SGIP1: variants seen among roughly 807,000 people sequenced by gnomAD.
The protein encoded by SGIP1 is SH3-containing GRB2-like protein 3-interacting protein 1.
Under a neutral mutation model 107.5 loss-of-function variants are expected in SGIP1, and 38 were observed. The ratio of observed to expected loss-of-function variants is 0.35; its 90% CI spans 0.27 to 0.46. SGIP1 has a LOEUF of 0.46. Among genes scored for constraint, SGIP1 ranks in the 20% least tolerant of loss-of-function variants. SGIP1 has a pLI of 1.00. For synonymous variants in SGIP1, 365 were observed against 366.1 expected (o/e 1.00, Z 0.03); for missense variants, 929 against 1,019.5 (o/e 0.91, Z 1.21).
intron 19 of SGIP1, among the ~76,000 whole-genome samples, chr1:66,723,672 C>T (rs1251787719): frequency 6.6e-6 from 1 of 152,098 alleles, no homozygotes; most frequent in African/African-American, 2.4e-5. Flanking sequence ...TTTGTCACTG[C>T]CAAATCTAGC....
intron 17 of SGIP1, chr1:66,695,212 T>C (rs532263924): frequency 1.3e-4 from 115 of 886,374 alleles, no homozygotes; most frequent in Admixed American, 4.5e-4. Context: ...TTCCCATTCC[T>C]TTAGGCCTCC....
At chr1:66,636,132 C>A in intron 4 of SGIP1, 117 bp downstream of exon 4, 1 of 932,680 alleles carries the variant, frequency 1.1e-6, no homozygotes, top group Non-Finnish European at 1.6e-6. Context: ...TAAGAAAACT[C>A]TTAGGTATTT....
Position 66,643,649 on chromosome 1 carries a change from T to C in SGIP1, c.389T>C (p.Leu130Pro), listed in dbSNP as rs780104826. The change falls in exon 7 of 25, where the codon CTT becomes CCT. Residue 130 changes from leucine (L) to proline (P), a missense_variant. Leu to Pro is a moderately conservative substitution (Grantham distance 98). Around this residue, in one of 2 missense-constraint regions of SGIP1, gnomAD observed 588 missense variants for 588.6 expected, o/e 1.00. Transcript: ENST00000371037. Reference protein sequence around the residue: ...KIKPLQSKDILKNAATVDELK... With the variant: ...KIKPLQSKDIPKNAATVDELK... Reference sequence around the variant, plus strand: ...AAACCATTGCAATCTAAAGACATTCTTAAGAATGCTGCAACTGTAGATGAA... The same window carrying C: ...AAACCATTGCAATCTAAAGACATTCCTAAGAATGCTGCAACTGTAGATGAA... 6.2e-7 allele frequency: 1 copy of C among 1,611,940 alleles called. No individual in the cohort carries two copies. Among genetic ancestry groups the C allele is most frequent in the South Asian group, 1.1e-5 (1 of 90,360 alleles).
chr1:66,728,620 A>G (rs978955519), intron 19 of SGIP1, among the ~76,000 whole-genome samples: 2 of 152,226 alleles, frequency 1.3e-5, no homozygotes, highest in African/African-American at 4.8e-5. Flanking sequence ...CCAAAGAAAT[A>G]TAAATCATTC....
chr1:66,660,901 G>C (rs975021201), intron 8 of SGIP1, among the ~76,000 whole-genome samples: 2 of 152,194 alleles, frequency 1.3e-5, no homozygotes, highest in African/African-American at 4.8e-5. Flanking sequence ...TTTTTGATTA[G>C]CGTACAACAT....
chr1:66,553,689 A>AATGAGAC (rs948382683), intron 1 of SGIP1, among the ~76,000 whole-genome samples: 1 of 151,852 alleles, frequency 6.6e-6, no homozygotes, highest in Non-Finnish European at 1.5e-5. Context: ...AAAAAAAAAA[A>AATGAGAC]ATGAGACCAA....
At chr1:66,679,141 T>C (rs2086066871) in intron 13 of SGIP1, among the ~76,000 whole-genome samples, 1 of 152,218 alleles carries the variant, frequency 6.6e-6, no homozygotes, top group Non-Finnish European at 1.5e-5. Flanking sequence ...CTTTAAAAAA[T>C]GTACTAAAAT....
Position 66,751,082 on chromosome 1 carries a change from G to A in SGIP1, c.*7987G>A, listed in dbSNP as rs2094614990. Among the ~76,000 whole-genome samples the A allele has an allele frequency of 6.6e-6, 1 of 152,150 alleles. No individual in the cohort carries two copies. Among genetic ancestry groups the A allele is most frequent in the Non-Finnish European group, 1.5e-5 (1 of 68,018 alleles). On this transcript the variant is annotated 3_prime_UTR_variant, in exon 25 of 25. Transcript: ENST00000371037. The stretch of plus-strand genomic sequence containing the variant: ...TATATGTAAGTTGTTACTGAAATGT[G>A]ATTTCTTTTTCTGGAAAATAAATGA...
chr1:66,684,225 GC>G (rs759587089), intron 15 of SGIP1: 857 of 1,550,244 alleles, frequency 5.5e-4, no homozygotes, highest in Non-Finnish European at 6.8e-4. Flanking sequence ...TAACCAGTGT[GC>G]TCTCCAGGCA....
At chr1:66,550,276 C>T (rs930806465) in intron 1 of SGIP1, among the ~76,000 whole-genome samples, 1 of 152,032 alleles carries the variant, frequency 6.6e-6, no homozygotes. Context: ...CTATGTATGG[C>T]GAACTCTTGA....
At chr1:66,725,331 C>T (rs1371003200) in intron 19 of SGIP1, among the ~76,000 whole-genome samples, 1 of 152,212 alleles carries the variant, frequency 6.6e-6, no homozygotes, top group East Asian at 1.9e-4. Context: ...CAGCACCTCA[C>T]CTGAACCATG....
At chr1:66,657,423 T>C (rs1209420244) in intron 7 of SGIP1, among the ~76,000 whole-genome samples, 1 of 152,096 alleles carries the variant, frequency 6.6e-6, no homozygotes, top group Non-Finnish European at 1.5e-5. Flanking sequence ...TCAAAACTGG[T>C]TTATATTTTC....
intron 1 of SGIP1, among the ~76,000 whole-genome samples, chr1:66,595,413 A>T (rs1022535396): frequency 1.3e-5 from 2 of 152,230 alleles, no homozygotes; most frequent in Non-Finnish European, 2.9e-5. Context: ...TCCGGGGAAT[A>T]GGCCACAAAG....
At chr1:66,734,002 C>T in intron 21 of SGIP1, 122 bp downstream of exon 21, 1 of 1,101,686 alleles carries the variant, frequency 9.1e-7, no homozygotes. Flanking sequence ...AGCTATAACT[C>T]ATTTTTTTAA....
intron 1 of SGIP1, among the ~76,000 whole-genome samples, chr1:66,586,261 T>C (rs1047269419): frequency 6.6e-6 from 1 of 152,210 alleles, no homozygotes; most frequent in African/African-American, 2.4e-5. Flanking sequence ...ACACATTATA[T>C]AGATGGGTCA....
intron 1 of SGIP1, among the ~76,000 whole-genome samples, chr1:66,585,726 G>T (rs2062514920): frequency 6.6e-6 from 1 of 152,062 alleles, no homozygotes; most frequent in Admixed American, 6.6e-5. Flanking sequence ...CTGACCTCAG[G>T]TGATCCACCC....
intron 1 of SGIP1, among the ~76,000 whole-genome samples, chr1:66,560,548 G>T (rs2058778953): frequency 6.6e-6 from 1 of 151,918 alleles, no homozygotes; most frequent in African/African-American, 2.4e-5. Context: ...AAACAACCAG[G>T]TTTCTTAATA....
intron 5 of SGIP1, among the ~76,000 whole-genome samples, chr1:66,641,110 G>A (rs2076706699): frequency 6.6e-6 from 1 of 151,970 alleles, no homozygotes; most frequent in Non-Finnish European, 1.5e-5. Context: ...GGAAATGGAA[G>A]AAGTAGGTCA....
At chr1:66,574,090 T>C (rs1406702716) in intron 1 of SGIP1, among the ~76,000 whole-genome samples, 1 of 152,146 alleles carries the variant, frequency 6.6e-6, no homozygotes, top group Non-Finnish European at 1.5e-5. Context: ...CAGGTATTCC[T>C]GGTAGGTGAG....
Sources: gnomAD v4.1 joint callset for allele counts (sites outside exome capture counted in the v4.1 genomes callset) on GRCh38, gnomAD v4.1.1 for gene constraint, gnomAD v4.1.1 regional missense constraint, MANE v1.5 for transcripts, NCBI Gene and HGNC (gene_info 2026-07-23, HGNC 2026-07-21) for gene names.